MSRB3: variants seen among roughly 807,000 people sequenced by gnomAD.
MSRB3 encodes methionine sulfoxide reductase B3.
In MSRB3, 13 loss-of-function variants were observed where a neutral mutation model predicts 21.0. The ratio of observed to expected loss-of-function variants is 0.62; its 90% CI spans 0.40 to 0.98. MSRB3 has a LOEUF of 0.98. MSRB3 is among the 50% of genes least tolerant of loss of function. The probability of loss-of-function intolerance (pLI) is 0.00; values close to 1 mark genes in which losing one functional copy is unlikely to be tolerated. For synonymous variants in MSRB3, 87 were observed against 88.6 expected, an observed-to-expected ratio of 0.98 and a Z score of 0.10; for missense variants, 199 against 230.3, an observed-to-expected ratio of 0.86 and a Z score of 0.88.
chr12:65,333,969 T>G lies in MSRB3; in HGVS notation c.263+5366T>G, dbSNP rs1185975449. Among the ~76,000 whole-genome samples the G allele has an allele frequency of 2.0e-5, 3 of 152,184 alleles. No homozygotes were observed. In the East Asian group the frequency reaches 5.8e-4, roughly 29 times the overall value. On this transcript the variant is annotated intron_variant, in intron 4 of 6. Coordinates refer to ENST00000308259, the MANE Select transcript of MSRB3 (RefSeq NM_001031679.3). Reference sequence around the variant, plus strand: ...GAAAATGAGATGTAAGCCATAACAGTGCACAAGATAGATTCTGGGATTGGA... The same window carrying G: ...GAAAATGAGATGTAAGCCATAACAGGGCACAAGATAGATTCTGGGATTGGA...
intron 3 of MSRB3, among the ~76,000 whole-genome samples, chr12:65,327,722 C>T (rs1875141879): frequency 6.6e-6 from 1 of 152,142 alleles, no homozygotes; most frequent in Admixed American, 6.6e-5. Flanking sequence ...ACATGGGATC[C>T]CTGTTAACAG....
chr12:65,324,166 A>G (rs1874866916), intron 2 of MSRB3, among the ~76,000 whole-genome samples: 1 of 152,212 alleles, frequency 6.6e-6, no homozygotes, highest in African/African-American at 2.4e-5. Context: ...ATGTAAAAAA[A>G]TTTTGCTAAT....
At position 65,465,566 on chromosome 12, in the gene MSRB3, G is replaced by A. The variant is rs1373750777; in HGVS notation, c.*2244G>A. ...TCTCTCTCTACAAGCACCTCTCTAA[G>A]AAGCCTGACATCCCGGTGGACTCTT... On this transcript the variant is annotated 3_prime_UTR_variant, in exon 7 of 7. Coordinates refer to ENST00000308259, the MANE Select transcript of MSRB3 (RefSeq NM_001031679.3). 1 of 152,098 alleles carries A rather than the reference G, an allele frequency of 6.6e-6. No individual in the cohort carries two copies. Among genetic ancestry groups the A allele is most frequent in the Non-Finnish European group, 1.5e-5 (1 of 68,000 alleles). 9.4% of individuals were successfully genotyped at this position (152,098 alleles called of 1,614,324 possible). A position where few individuals can be genotyped will look rare whatever the true frequency, so the allele number is the denominator to read the frequency against.
At chr12:65,295,722 A>G (rs773910481) in intron 1 of MSRB3, among the ~76,000 whole-genome samples, 9 of 152,330 alleles carry the variant, frequency 5.9e-5, no homozygotes, top group Middle Eastern at 3.4e-3. Context: ...TAAAATTCCT[A>G]TATAGAATAA....
chr12:65,386,687 T>C lies in MSRB3; in HGVS notation c.292+17661T>C, dbSNP rs976105873. ...AGCTTAAATTTGAGCTTGCTGGTTC[T>C]TTTTTTTCTTTAAGAGTAGTATTTT... On this transcript the variant is annotated intron_variant, in intron 5 of 6. Transcript: ENST00000308259. Among the ~76,000 whole-genome samples, 10 of 151,922 alleles carry C rather than the reference T, an allele frequency of 6.6e-5. No individual in the cohort carries two copies. In the East Asian group the frequency reaches 1.9e-3, roughly 29 times the overall value.
chr12:65,394,003 A>AG (rs1879636187), intron 5 of MSRB3, among the ~76,000 whole-genome samples: 1 of 152,146 alleles, frequency 6.6e-6, no homozygotes, highest in South Asian at 2.1e-4. Context: ...ATTTATAAAT[A>AG]AGTAAGGTAA....
intron 1 of MSRB3, 134 bp from the exon 2 acceptor site, chr12:65,308,395 C>T (rs779116094): frequency 1.8e-5 from 21 of 1,193,846 alleles, no homozygotes; most frequent in East Asian, 2.6e-5. Context: ...GAAAAATAGG[C>T]GTTTGAAATT....
At chr12:65,360,409 G>A (rs1482844284) in intron 4 of MSRB3, among the ~76,000 whole-genome samples, 2 of 151,894 alleles carry the variant, frequency 1.3e-5, no homozygotes, top group Non-Finnish European at 2.9e-5. Flanking sequence ...TTATTTTAGA[G>A]GAAACATAAA....
chr12:65,288,680 T>G (rs1287196082), intron 1 of MSRB3, among the ~76,000 whole-genome samples: 2 of 152,214 alleles, frequency 1.3e-5, no homozygotes, highest in Non-Finnish European at 2.9e-5. Flanking sequence ...TGGGAATTGC[T>G]TATTTATGCT....
intron 5 of MSRB3, among the ~76,000 whole-genome samples, chr12:65,414,673 C>T (rs1339300097): frequency 6.6e-6 from 1 of 152,104 alleles, no homozygotes; most frequent in African/African-American, 2.4e-5. Context: ...GAACACATCC[C>T]CATCCGTAAG....
At position 65,465,317 on chromosome 12, in the gene MSRB3, G is replaced by A. The variant is rs1883516202; in HGVS notation, c.*1995G>A. The A allele has an allele frequency of 6.6e-6, 1 of 152,194 alleles. No homozygotes were observed. The highest frequency in any genetic ancestry group is 2.4e-5 in the African/African-American group (1 of 41,452). 9.4% of individuals were successfully genotyped at this position (152,194 alleles called of 1,614,324 possible). A position where few individuals can be genotyped will look rare whatever the true frequency, so the allele number is the denominator to read the frequency against. On this transcript the variant is annotated 3_prime_UTR_variant, in exon 7 of 7. Coordinates refer to ENST00000308259, the MANE Select transcript of MSRB3 (RefSeq NM_001031679.3). ...GAAGGTTGTATGGTGTGTGACGAAT[G>A]TACATCATGTTTGTAGGTTTGGATG...
chr12:65,288,156 A>C (rs12582039), intron 1 of MSRB3, among the ~76,000 whole-genome samples: 43,476 of 151,538 alleles, frequency 0.29, 6,344 homozygotes, highest in Admixed American at 0.38. Context: ...TACCAAAATT[A>C]GCTGGGCGTG....
chr12:65,370,678 A>G (rs929964831), intron 5 of MSRB3, among the ~76,000 whole-genome samples: 4 of 152,164 alleles, frequency 2.6e-5, no homozygotes, highest in African/African-American at 9.7e-5. Flanking sequence ...AATAGTTATA[A>G]CAGCTGTACA....
chr12:65,455,929 G>A (rs111246998), intron 6 of MSRB3, among the ~76,000 whole-genome samples: 1 of 151,926 alleles, frequency 6.6e-6, no homozygotes, highest in Admixed American at 6.6e-5. Flanking sequence ...GTAGAGATAG[G>A]GTTTCACCAT....
chr12:65,336,625 T>G (rs567702708), intron 4 of MSRB3, among the ~76,000 whole-genome samples: 1 of 152,384 alleles, frequency 6.6e-6, no homozygotes, highest in Non-Finnish European at 1.5e-5. Context: ...CTTTTAACTG[T>G]AATTCATGTA....
At chr12:65,376,118 A>ATTTTT (rs58214332) in intron 5 of MSRB3, among the ~76,000 whole-genome samples, 2 of 131,944 alleles carry the variant, frequency 1.5e-5, no homozygotes, top group Non-Finnish European at 3.2e-5. Context: ...TGAGTTTGTA[A>ATTTTT]TTTTTTTTTT....
At chr12:65,403,495 G>T (rs61921499) in intron 5 of MSRB3, among the ~76,000 whole-genome samples, 27,016 of 152,174 alleles carry the variant, frequency 0.18, 2,932 homozygotes, top group Admixed American at 0.25. Context: ...TCGGACTGCT[G>T]TGCTGGCAGC....
chr12:65,333,900 C>A (rs1468426782), intron 4 of MSRB3, among the ~76,000 whole-genome samples: 1 of 152,146 alleles, frequency 6.6e-6, no homozygotes, highest in Non-Finnish European at 1.5e-5. Context: ...TGATCACATG[C>A]ATATCTGAAC....
rs113316025 is a variant in MSRB3 at position 65,419,857 on chromosome 12, G to A, written c.293-33871G>A. The A allele has an allele frequency of 1.1e-3, 780 of 689,898 alleles. 7 individuals are homozygous for A. The highest frequency in any genetic ancestry group is 0.011 in the African/African-American group (618 of 55,842). 42.7% of individuals were successfully genotyped at this position (689,898 alleles called of 1,614,324 possible). The stretch of plus-strand genomic sequence containing the variant: ...AGGCCCCTGGACCCCAAGCAGCCCC[G>A]GAAGCTGGTGGAGCAGGACATGGAG... On this transcript the variant is annotated intron_variant, in intron 5 of 6. Coordinates refer to ENST00000308259, the MANE Select transcript of MSRB3 (RefSeq NM_001031679.3).
Sources: gnomAD v4.1 joint callset for allele counts (sites outside exome capture counted in the v4.1 genomes callset) on GRCh38, gnomAD v4.1.1 for gene constraint, MANE v1.5 for transcripts, NCBI Gene and HGNC (gene_info 2026-07-23, HGNC 2026-07-21) for gene names.